Variants in HMGCLL1 observed in about 807,000 individuals in gnomAD.
HMGCLL1 encodes 3-hydroxymethyl-3-methylglutaryl-CoA lyase, cytoplasmic.
HMGCLL1 carries 36 observed loss-of-function variants against 39.1 expected under a neutral mutation model. That is an observed-to-expected ratio of 0.92 (90% CI 0.71 to 1.22). HMGCLL1 has a LOEUF of 1.22. HMGCLL1 is among the 50% of genes most tolerant of loss of function. HMGCLL1 has a pLI of 0.00. For missense variants in HMGCLL1, 451 were observed against 416.5 expected, an observed-to-expected ratio of 1.08 and a Z score of -0.72; for synonymous variants, 149 against 144.0, an observed-to-expected ratio of 1.03 and a Z score of -0.25.
chr6:55,476,398 T>G (rs1045838941), intron 7 of HMGCLL1, among the ~76,000 whole-genome samples: 8 of 151,658 alleles, frequency 5.3e-5, no homozygotes, highest in Non-Finnish European at 1.0e-4. Flanking sequence ...CCAGTAATTT[T>G]TATATATTGT....
chr6:55,577,203 T>C (rs1360727811), intron 1 of HMGCLL1: 4 of 1,548,670 alleles, frequency 2.6e-6, no homozygotes, highest in Admixed American at 3.9e-5. Context: ...AAGTGTCAGA[T>C]GTTAGTGCTG....
chr6:55,650,133 A>ATATATATATATATAT, the HMGCLL1 span, among the ~76,000 whole-genome samples: 4 of 67,230 alleles, frequency 5.9e-5, no homozygotes, highest in Admixed American at 1.7e-4. Context: ...ATATATATAT[A>ATATATATATATATAT]TACACACACA....
At chr6:55,604,955 T>C in the HMGCLL1 span, among the ~76,000 whole-genome samples, 20 of 152,330 alleles carry the variant, frequency 1.3e-4, 1 homozygote, top group African/African-American at 4.6e-4. Context: ...GAAGATGATA[T>C]AAGTGTAGTT....
chr6:55,542,116 G>A lies in HMGCLL1; in HGVS notation c.133C>T (p.Pro45Ser), dbSNP rs1326343067. The change falls in exon 2 of 9, where the codon CCT becomes TCT. Residue 45 changes from proline to serine, a missense_variant. Physicochemically the swap from Pro to Ser is moderately conservative, Grantham distance 74 (BLOSUM62 -1). Coordinates refer to ENST00000274901, the MANE Select transcript of HMGCLL1 (RefSeq NM_001042406.2). ...AQETSQLSGL[P>S]EFVKIVEVGP... ...ACTTCTACTATTTTAACAAACTCAGGGAGTCCAGATAACTGGGATGTTTCC... is the reference window on the plus strand; with the variant it reads ...ACTTCTACTATTTTAACAAACTCAGAGAGTCCAGATAACTGGGATGTTTCC... 1.9e-6 allele frequency: 3 copies of A among 1,609,194 alleles called. No homozygotes were observed. The Admixed American group carries it at 5.0e-5, about 27-fold the overall frequency.
rs141086950 is a variant in HMGCLL1, at chr6:55,518,426, C to T, written c.298-1823G>A. ...AAATGGCCACACCAATATTTCTGGTCCTGTATGTTCTTCCAGGATCTCACC... is the reference window on the plus strand; with the variant it reads ...AAATGGCCACACCAATATTTCTGGTTCTGTATGTTCTTCCAGGATCTCACC... On this transcript the variant is annotated intron_variant, in intron 3 of 8. Coordinates refer to ENST00000274901, the MANE Select transcript of HMGCLL1 (RefSeq NM_001042406.2). 2.5e-4 allele frequency among the ~76,000 whole-genome samples: 38 copies of T among 152,176 alleles called. 2 individuals are homozygous for T. In the East Asian group the frequency reaches 7.3e-3, roughly 29 times the overall value.
chr6:55,651,615 AC>A, the HMGCLL1 span, among the ~76,000 whole-genome samples: 2 of 152,026 alleles, frequency 1.3e-5, no homozygotes, highest in Non-Finnish European at 2.9e-5. Flanking sequence ...GTCATGTGCC[AC>A]CCTAGTTCAC....
intron 1 of HMGCLL1, among the ~76,000 whole-genome samples, chr6:55,574,346 T>C (rs77426161): frequency 0.095 from 14,365 of 151,732 alleles, 919 homozygotes; most frequent in African/African-American, 0.17. Flanking sequence ...GTATTGTAAA[T>C]ACACCATATA....
At chr6:55,459,107 A>T (rs993875432) in intron 7 of HMGCLL1, among the ~76,000 whole-genome samples, 5 of 152,168 alleles carry the variant, frequency 3.3e-5, no homozygotes, top group Admixed American at 3.3e-4. Context: ...TTAGTACAGA[A>T]TGTTAGCTTT....
chr6:55,561,585 T>A (rs1250200840), intron 1 of HMGCLL1, among the ~76,000 whole-genome samples: 1 of 152,072 alleles, frequency 6.6e-6, no homozygotes, highest in Non-Finnish European at 1.5e-5. Flanking sequence ...ATGCCGCTGA[T>A]CCAAGGAGCA....
chr6:55,641,331 G>A, the HMGCLL1 span, among the ~76,000 whole-genome samples: 3 of 151,848 alleles, frequency 2.0e-5, no homozygotes, highest in Non-Finnish European at 4.4e-5. Flanking sequence ...AATTAGAGCA[G>A]CAACAGGTTA....
At chr6:55,468,958 G>T (rs1027177972) in intron 7 of HMGCLL1, among the ~76,000 whole-genome samples, 10 of 151,746 alleles carry the variant, frequency 6.6e-5, no homozygotes, top group African/African-American at 2.4e-4. Flanking sequence ...TTTGGAGGTA[G>T]GGGAAAGAAA....
intron 7 of HMGCLL1, among the ~76,000 whole-genome samples, chr6:55,468,918 T>C (rs1366238764): frequency 6.7e-6 from 1 of 148,672 alleles, no homozygotes; most frequent in East Asian, 2.0e-4. Context: ...CTTATATATG[T>C]GCATATTTGA....
chr6:55,465,309 AT>A (rs1247715605), intron 7 of HMGCLL1, among the ~76,000 whole-genome samples: 3 of 152,090 alleles, frequency 2.0e-5, no homozygotes, highest in African/African-American at 7.2e-5. Flanking sequence ...TTAATTATAT[AT>A]ATAGCCATTA....
upstream of HMGCLL1, chr6:55,579,277 G>A (rs894746776): frequency 1.7e-6 from 1 of 586,384 alleles, no homozygotes. Context: ...GCACCTGCGG[G>A]AATCGACAGA....
chr6:55,586,192 G>A, the HMGCLL1 span, among the ~76,000 whole-genome samples: 8 of 152,018 alleles, frequency 5.3e-5, no homozygotes, highest in Non-Finnish European at 8.8e-5. Flanking sequence ...CAAGTGAGAA[G>A]ATAAGTTTAG....
intron 7 of HMGCLL1, among the ~76,000 whole-genome samples, chr6:55,455,365 ATTT>A (rs5876452): frequency 1.3e-5 from 2 of 150,814 alleles, no homozygotes; most frequent in East Asian, 1.9e-4. Context: ...ATATAAAATA[ATTT>A]TTTTTTTCTG....
the HMGCLL1 span, among the ~76,000 whole-genome samples, chr6:55,610,526 G>A: frequency 5.9e-5 from 9 of 151,994 alleles, no homozygotes; most frequent in African/African-American, 1.9e-4. Flanking sequence ...TGAGAACTAC[G>A]GGACTATGTA....
At chr6:55,490,753 C>G (rs1189182992) in intron 7 of HMGCLL1, among the ~76,000 whole-genome samples, 2 of 152,096 alleles carry the variant, frequency 1.3e-5, no homozygotes, top group African/African-American at 4.8e-5. Flanking sequence ...CTGTGGATAT[C>G]TAGAAATAGA....
At chr6:55,495,095 G>A (rs753036617) in intron 7 of HMGCLL1, among the ~76,000 whole-genome samples, 8 of 152,138 alleles carry the variant, frequency 5.3e-5, no homozygotes, top group Non-Finnish European at 8.8e-5. Flanking sequence ...AAATGCCATC[G>A]TATTTCAGTC....
Sources: gnomAD v4.1 joint callset for allele counts (sites outside exome capture counted in the v4.1 genomes callset) on GRCh38, gnomAD v4.1.1 for gene constraint, MANE v1.5 for transcripts, NCBI Gene and HGNC (gene_info 2026-07-23, HGNC 2026-07-21) for gene names.